Variants in ZNF644 observed in about 807,000 individuals in gnomAD.
The protein encoded by ZNF644 is zinc finger protein 644, also known as zinc finger motif enhancer binding protein 2.
Under a neutral mutation model 108.0 loss-of-function variants are expected in ZNF644, and 20 were observed. The observed-to-expected ratio is 0.19, with a 90% confidence interval of 0.13 to 0.27. The LOEUF is 0.27. Ranked by LOEUF, ZNF644 falls within the 10% of genes least tolerant of loss-of-function variation. The pLI is 1.00. For missense variants in ZNF644, 1,338 were observed against 1,548.9 expected (o/e 0.86, Z 2.29); for synonymous variants, 542 against 539.1 (o/e 1.01, Z -0.08).
chr1:90,965,770 ATGGAGTTTCG>A, intron 2 of ZNF644, among the ~76,000 whole-genome samples: 2 of 151,980 alleles, frequency 1.3e-5, no homozygotes, highest in South Asian at 4.1e-4. Context: ...TTTTTTTGAG[ATGGAGTTTCG>A]CTCTTGTTGC....
At chr1:90,919,770 G>A (rs1649215758) in intron 4 of ZNF644, among the ~76,000 whole-genome samples, 1 of 151,936 alleles carries the variant, frequency 6.6e-6, no homozygotes, top group Non-Finnish European at 1.5e-5. Flanking sequence ...AAATACTTCT[G>A]GAGTAAAAAT....
In ZNF644 at chr1:90,974,163, C is replaced by T. The variant is rs569692771; in HGVS notation, c.44+8147G>A. Among the ~76,000 whole-genome samples the T allele has an allele frequency of 1.1e-4, 16 of 152,146 alleles. No homozygotes were observed. The South Asian group carries it at 3.3e-3, about 32-fold the overall frequency. On this transcript the variant is annotated intron_variant, in intron 2 of 5. Transcript: ENST00000337393. Reference sequence around the variant, plus strand: ...GTCCTCTAATCATACTCCTGCATGACTGTCCATCTCTACTAAAAATACAAA... The same window carrying T: ...GTCCTCTAATCATACTCCTGCATGATTGTCCATCTCTACTAAAAATACAAA...
chr1:91,002,503 C>T (rs952886329), intron 1 of ZNF644, among the ~76,000 whole-genome samples: 3 of 152,152 alleles, frequency 2.0e-5, no homozygotes, highest in Admixed American at 2.0e-4. Context: ...TGGATCCCTT[C>T]CTTACACCTT....
chr1:90,922,730 C>T (rs1649600399), intron 4 of ZNF644, among the ~76,000 whole-genome samples: 2 of 151,900 alleles, frequency 1.3e-5, no homozygotes, highest in South Asian at 4.2e-4. Flanking sequence ...TTATTATCTC[C>T]CTCCTCCTAC....
At position 91,001,380 on chromosome 1, in the gene ZNF644, C is replaced by T. The variant is rs563109846; in HGVS notation, c.-17-19010G>A. On this transcript the variant is annotated intron_variant, in intron 1 of 5. Coordinates refer to ENST00000337393, the MANE Select transcript of ZNF644 (RefSeq NM_201269.3). ...TCCCTGGGATGCAAGGCTGGTTCAA[C>T]GTACACAAATCAATAAACGTAATCC... is the stretch of plus-strand genomic sequence containing the variant. 3.1e-3 allele frequency among the ~76,000 whole-genome samples: 474 copies of T among 152,240 alleles called. 2 individuals carry two copies. Among genetic ancestry groups the T allele is most frequent in the South Asian group, 0.012 (58 of 4,826 alleles).
chr1:90,976,896 A>T (rs1402899822), intron 2 of ZNF644, among the ~76,000 whole-genome samples: 2 of 152,214 alleles, frequency 1.3e-5, no homozygotes, highest in Non-Finnish European at 2.9e-5. Context: ...AAGGCATCAC[A>T]CTAGAAAATA....
chr1:90,931,140 T>G (rs1392872017), intron 4 of ZNF644, among the ~76,000 whole-genome samples: 2 of 152,262 alleles, frequency 1.3e-5, no homozygotes, highest in South Asian at 2.1e-4. Context: ...AATAACTTAA[T>G]AGAACTATGT....
In ZNF644 at chr1:91,020,689, T is replaced by C. The variant is rs945499670; in HGVS notation, c.-18+1301A>G. 7.9e-5 allele frequency: 12 copies of C among 152,246 alleles called. No individual in the cohort carries two copies. The South Asian group carries it at 2.1e-3, about 26-fold the overall frequency. 9.4% of individuals were successfully genotyped at this position (152,246 alleles called of 1,614,324 possible). A position where few individuals can be genotyped will look rare whatever the true frequency, so the allele number is the denominator to read the frequency against. On this transcript the variant is annotated intron_variant, in intron 1 of 5. Transcript: ENST00000337393. ...TTTCCTTTCTTTGAGAAACTTTAGTTGTCTATTTTTTGAAATGTTTTCCTT... is the reference window on the plus strand; with the variant it reads ...TTTCCTTTCTTTGAGAAACTTTAGTCGTCTATTTTTTGAAATGTTTTCCTT...
Position 90,938,370 on chromosome 1 carries a change from G to A in ZNF644, c.2984C>T (p.Ala995Val). The A allele has an allele frequency of 6.2e-7, 1 of 1,613,876 alleles. No individual in the cohort carries two copies. Among genetic ancestry groups the A allele is most frequent in the Non-Finnish European group, 8.5e-7 (1 of 1,179,888 alleles). The change falls in exon 3 of 6, where the codon GCC becomes GTC. Residue 995 changes from alanine (A) to valine (V), a missense_variant. Physicochemically the swap from Ala to Val is moderately conservative, Grantham distance 64 (BLOSUM62 0). Around this residue, in one of 6 missense-constraint regions of ZNF644, gnomAD observed 11 missense variants for 45.8 expected, o/e 0.24. Coordinates refer to ENST00000337393, the MANE Select transcript of ZNF644 (RefSeq NM_201269.3). The surrounding 1 kb of genome is among the most constrained non-coding windows in gnomAD (Gnocchi z 4.2). Reference protein sequence around the residue: ...HLHRAGLSYEARHVVSPEQIA... With the variant: ...HLHRAGLSYEVRHVVSPEQIA... ...TTGTTCTGGTGATACAACATGACGG[G>A]CTTCATAGCTTAATCCTGCTCTGTG...
chr1:90,986,179 C>T (rs1657074831), intron 1 of ZNF644, among the ~76,000 whole-genome samples: 1 of 151,964 alleles, frequency 6.6e-6, no homozygotes, highest in Non-Finnish European at 1.5e-5. Context: ...CACCTGAATA[C>T]TAAAATGTCA....
chr1:90,982,432 G>A, intron 1 of ZNF644, 62 bp from the exon 2 acceptor site: 1 of 1,022,906 alleles, frequency 9.8e-7, no homozygotes, highest in African/African-American at 1.6e-5. Flanking sequence ...AATAACCATA[G>A]CTACAATACA....
intron 1 of ZNF644, among the ~76,000 whole-genome samples, chr1:90,999,275 T>C (rs1462666681): frequency 6.6e-6 from 1 of 152,138 alleles, no homozygotes; most frequent in East Asian, 1.9e-4. Context: ...AGGAAAAATG[T>C]TAAGGGCAGC....
chr1:90,982,545 T>C (rs990169774), intron 1 of ZNF644, among the ~76,000 whole-genome samples, 175 bp from the exon 2 acceptor site: 2 of 152,060 alleles, frequency 1.3e-5, no homozygotes, highest in African/African-American at 2.4e-5. Flanking sequence ...TAGGAAACTA[T>C]TGCTAAGTGC....
chr1:90,961,275 A>C (rs1654316647), intron 2 of ZNF644, among the ~76,000 whole-genome samples: 1 of 152,160 alleles, frequency 6.6e-6, no homozygotes, highest in Non-Finnish European at 1.5e-5. Context: ...TGTCTGCAAA[A>C]ACAAAACAAT....
chr1:90,957,581 T>C (rs1036417003), intron 2 of ZNF644, among the ~76,000 whole-genome samples: 4 of 152,086 alleles, frequency 2.6e-5, no homozygotes, highest in Admixed American at 2.6e-4. Context: ...TTCAACACTG[T>C]TTCATGAAAA....
At chr1:90,967,930 A>G (rs1004218562) in intron 2 of ZNF644, among the ~76,000 whole-genome samples, 2 of 151,164 alleles carry the variant, frequency 1.3e-5, no homozygotes, top group Non-Finnish European at 3.0e-5. Context: ...GAGTGGTGGC[A>G]GGCACCTGTA....
intron 2 of ZNF644, among the ~76,000 whole-genome samples, chr1:90,957,320 C>T (rs960737236): frequency 1.3e-5 from 2 of 152,108 alleles, no homozygotes; most frequent in African/African-American, 4.8e-5. Flanking sequence ...ATACCAAAGC[C>T]AAAGATACTC....
chr1:90,939,640 T>C lies in ZNF644; in HGVS notation c.1714A>G (p.Met572Val), dbSNP rs773116362. 6.2e-7 allele frequency: 1 copy of C among 1,614,054 alleles called. No homozygotes were observed. Among genetic ancestry groups the C allele is most frequent in the South Asian group, 1.1e-5 (1 of 91,080 alleles). The change falls in exon 3 of 6, where the codon ATG (methionine) becomes GTG (valine). Residue 572 changes from methionine to valine, a missense_variant. Transcript: ENST00000337393. Reference sequence around the variant, plus strand: ...GATGATCCTACTACAGAGTCTTTCATGAAAGTCTTTTTTTGTGTTTTTCTC... The same window carrying C: ...GATGATCCTACTACAGAGTCTTTCACGAAAGTCTTTTTTTGTGTTTTTCTC... Reference protein sequence around the residue: ...AQRKTQKKTFMKDSVVGSSKK... With the variant: ...AQRKTQKKTFVKDSVVGSSKK...
intron 4 of ZNF644, among the ~76,000 whole-genome samples, chr1:90,932,005 C>A (rs375610678): frequency 9.2e-5 from 14 of 152,110 alleles, no homozygotes; most frequent in East Asian, 7.7e-4. Flanking sequence ...TGGGATGGGG[C>A]CCACAGCTTT....
Sources: gnomAD v4.1 joint callset for allele counts (sites outside exome capture counted in the v4.1 genomes callset) on GRCh38, gnomAD v4.1.1 for gene constraint, gnomAD v4.1.1 regional missense constraint, Gnocchi (gnomAD v3.1) non-coding constraint, MANE v1.5 for transcripts, NCBI Gene and HGNC (gene_info 2026-07-23, HGNC 2026-07-21) for gene names.